The following URB1 variants were observed in gnomAD, a reference collection of about 807,000 sequenced individuals.
URB1 encodes URB1 ribosome biogenesis factor.
In URB1, 197 loss-of-function variants were observed where a neutral mutation model predicts 242.3. The observed-to-expected ratio is 0.81, with a 90% CI of 0.72 to 0.91. The LOEUF (loss-of-function observed/expected upper bound fraction) is 0.91, where lower values mean the gene tolerates loss of function less well. Among genes scored for constraint, URB1 ranks in the 40% least tolerant of loss-of-function variants. The pLI is 0.00. For missense variants in URB1, 2,721 were observed against 2,860.5 expected, an observed-to-expected ratio of 0.95 and a Z score of 1.11; for synonymous variants, 1,153 against 1,201.8, an observed-to-expected ratio of 0.96 and a Z score of 0.84.
At position 32,316,557 on chromosome 21, in the gene URB1, C is replaced by T. The variant is rs2032688959; in HGVS notation, c.6543G>A (p.Val2181=). ...GGCTCCCTGCCCGGCCCTGGGCAGC[C>T]ACCAGCTGCAGCATGACCGTATTGA... ...CLFNTVMLQL[V]AAQGRAGSPF... is the part of the protein sequence containing the mutation. The change falls in exon 38 of 39, where the codon GTG becomes GTA. Residue 2181 remains valine (V), a synonymous_variant. Transcript: ENST00000382751. 1 of 1,551,270 alleles carries T rather than the reference C, an allele frequency of 6.4e-7. No individual in the cohort carries two copies. Among genetic ancestry groups the T allele is most frequent in the Non-Finnish European group, 8.7e-7 (1 of 1,146,896 alleles).
At chr21:32,362,566 T>C (rs1390302036) in intron 11 of URB1, among the ~76,000 whole-genome samples, 1 of 152,170 alleles carries the variant, frequency 6.6e-6, no homozygotes, top group Admixed American at 6.5e-5. Flanking sequence ...AACAGGCAAG[T>C]GCTGATCATT....
intron 30 of URB1, among the ~76,000 whole-genome samples, chr21:32,327,886 A>C (rs986745015): frequency 3.9e-5 from 6 of 152,258 alleles, no homozygotes; most frequent in Non-Finnish European, 7.3e-5. Context: ...ATACACATAC[A>C]AAAGTTGCAG....
intron 32 of URB1, 74 bp from the exon 33 acceptor site, chr21:32,322,658 C>G: frequency 1.8e-6 from 2 of 1,081,198 alleles, no homozygotes; most frequent in Middle Eastern, 2.4e-4. Flanking sequence ...CACTAAGAGG[C>G]AGGCATTCTG....
intron 30 of URB1, among the ~76,000 whole-genome samples, chr21:32,332,358 A>T: frequency 6.6e-6 from 1 of 151,884 alleles, no homozygotes; most frequent in African/African-American, 2.4e-5. Context: ...AGAACTTGTT[A>T]AAAGGATTAA....
At chr21:32,324,010 T>C (rs1192798536) in intron 32 of URB1, among the ~76,000 whole-genome samples, 3 of 152,068 alleles carry the variant, frequency 2.0e-5, no homozygotes, top group Non-Finnish European at 4.4e-5. Flanking sequence ...ACAGCAATGC[T>C]AGAGGCAGTG....
At chr21:32,334,135 G>A (rs752279126) in intron 29 of URB1, 28 bp downstream of exon 29, 2 of 1,521,626 alleles carry the variant, frequency 1.3e-6, no homozygotes, top group Non-Finnish European at 1.8e-6. Flanking sequence ...TGAAGGGGTG[G>A]GTAGGGACAG....
intron 26 of URB1, 131 bp downstream of exon 26, chr21:32,338,576 T>C (rs2032989748): frequency 1.9e-6 from 2 of 1,043,970 alleles, no homozygotes; most frequent in Admixed American, 2.2e-5. Flanking sequence ...AAATAAAACA[T>C]TCTGACACTG....
intron 28 of URB1, among the ~76,000 whole-genome samples, chr21:32,335,861 G>A (rs761273079): frequency 2.8e-4 from 42 of 152,246 alleles, no homozygotes; most frequent in Non-Finnish European, 2.9e-5. Flanking sequence ...CAGTGCCAGT[G>A]AGCGGCACAT....
At chr21:32,320,785 TG>T in intron 34 of URB1, 145 bp from the exon 35 acceptor site, 2 of 650,606 alleles carry the variant, frequency 3.1e-6, no homozygotes, top group Non-Finnish European at 5.4e-6. Flanking sequence ...GTCAGAGCGG[TG>T]GCCATGTACG....
intron 31 of URB1, among the ~76,000 whole-genome samples, 177 bp from the exon 32 acceptor site, chr21:32,324,779 G>A (rs568754293): frequency 5.3e-5 from 8 of 152,254 alleles, no homozygotes; most frequent in East Asian, 1.9e-4. Context: ...TCTCCGGAAC[G>A]CTTTTCGTTT....
At chr21:32,351,776 G>C (rs569731613) in intron 19 of URB1, among the ~76,000 whole-genome samples, 62 of 152,328 alleles carry the variant, frequency 4.1e-4, no homozygotes, top group African/African-American at 1.3e-3. Context: ...CTCTAATACT[G>C]CCACATAAGT....
At chr21:32,389,631 G>A (rs1472802791) in intron 1 of URB1, among the ~76,000 whole-genome samples, 52 of 152,244 alleles carry the variant, frequency 3.4e-4, no homozygotes, top group Admixed American at 3.4e-3. Flanking sequence ...TGCAGACGGA[G>A]GGTTCTGGCA....
intron 30 of URB1, 150 bp downstream of exon 30, chr21:32,333,167 T>A: frequency 1.4e-6 from 1 of 700,816 alleles, no homozygotes; most frequent in Non-Finnish European, 2.5e-6. Flanking sequence ...ATCACTGGAA[T>A]GAACAGATGA....
At chr21:32,373,549 G>T (rs992300584) in intron 7 of URB1, 98 bp downstream of exon 7, 2 of 1,299,264 alleles carry the variant, frequency 1.5e-6, no homozygotes, top group Non-Finnish European at 2.0e-6. Context: ...CAAATGAGGG[G>T]ACTTCAAGTC....
At chr21:32,368,366 C>T in intron 9 of URB1, 37 bp downstream of exon 9, 1 of 1,495,444 alleles carries the variant, frequency 6.7e-7, no homozygotes, top group South Asian at 1.4e-5. Flanking sequence ...CCACGCCCAG[C>T]TTAGCTAACA....
At chr21:32,319,184 C>T (rs1196538918) in intron 36 of URB1, 33 bp downstream of exon 36, 9 of 1,531,530 alleles carry the variant, frequency 5.9e-6, no homozygotes, top group African/African-American at 1.4e-5. Context: ...TCCAAGAGGC[C>T]AGAAGGGCCC....
rs1311673527 is a variant in URB1 at position 32,337,114 on chromosome 21, C to A, written c.4665G>T (p.Lys1555Asn). The change falls in exon 28 of 39, where the codon AAG (lysine) becomes AAT (asparagine). Residue 1555 changes from lysine to asparagine, a missense_variant. Physicochemically the swap from Lys to Asn is moderately conservative, Grantham distance 94. Coordinates refer to ENST00000382751, the MANE Select transcript of URB1 (RefSeq NM_014825.3). ...LLLLRAYEQN[K>N]LSLINFRVLL... The stretch of plus-strand genomic sequence containing the variant: ...CTCACCTGAAGTTGATGAGGCTGAG[C>A]TTGTTCTGCTCATACGCTCGAAGCA... 1 of 1,551,764 alleles carries A rather than the reference C, an allele frequency of 6.4e-7. No individual in the cohort carries two copies. Among genetic ancestry groups the A allele is most frequent in the African/African-American group, 1.4e-5 (1 of 73,052 alleles).
At chr21:32,357,198 G>A (rs972426663) in intron 15 of URB1, among the ~76,000 whole-genome samples, 1 of 151,914 alleles carries the variant, frequency 6.6e-6, no homozygotes, top group Non-Finnish European at 1.5e-5. Flanking sequence ...CTGGCAAAAA[G>A]GCTGAAAGCC....
intron 38 of URB1, among the ~76,000 whole-genome samples, chr21:32,316,102 C>T (rs956511648): frequency 5.3e-5 from 8 of 152,246 alleles, no homozygotes; most frequent in Non-Finnish European, 1.0e-4. Context: ...AGCATACGCA[C>T]GCACGCGCAC....
Sources: gnomAD v4.1 joint callset for allele counts (sites outside exome capture counted in the v4.1 genomes callset) on GRCh38, gnomAD v4.1.1 for gene constraint, MANE v1.5 for transcripts, NCBI Gene and HGNC (gene_info 2026-07-23, HGNC 2026-07-21) for gene names.